The following CACNA1D variants were observed in gnomAD, a reference collection of about 807,000 sequenced individuals.
The protein encoded by CACNA1D is voltage-dependent L-type calcium channel subunit alpha-1D.
Under a neutral mutation model 257.1 loss-of-function variants are expected in CACNA1D, and 55 were observed. The ratio of observed to expected loss-of-function variants is 0.21; its 90% confidence interval spans 0.17 to 0.27. The LOEUF is 0.27. Ranked by LOEUF, CACNA1D falls within the 10% of genes least tolerant of loss-of-function variation. The pLI, the probability that CACNA1D is intolerant of heterozygous loss-of-function variation, is 1.00. For missense variants in CACNA1D, 1,876 were observed against 2,784.0 expected (o/e 0.67, Z 7.34); for synonymous variants, 980 against 1,014.9 (o/e 0.97, Z 0.65).
chr3:53,615,145 T>C (rs2093623380), intron 3 of CACNA1D, among the ~76,000 whole-genome samples: 5 of 152,210 alleles, frequency 3.3e-5, no homozygotes, highest in Admixed American at 3.3e-4. Context: ...TTCCACTATC[T>C]ATTTTATGTG....
At chr3:53,802,496 C>A (rs536557786) in intron 43 of CACNA1D, among the ~76,000 whole-genome samples, 96 of 152,246 alleles carry the variant, frequency 6.3e-4, no homozygotes, top group Non-Finnish European at 1.2e-3. Context: ...GTGTGGCTGG[C>A]AGCTCCGGCT....
chr3:53,684,800 G>T (rs2094461087), intron 8 of CACNA1D, among the ~76,000 whole-genome samples: 1 of 152,056 alleles, frequency 6.6e-6, no homozygotes, highest in African/African-American at 2.4e-5. Flanking sequence ...GTTAAATGGA[G>T]CTTCACTGTG....
intron 3 of CACNA1D, among the ~76,000 whole-genome samples, chr3:53,567,955 G>T (rs185899481): frequency 6.6e-6 from 1 of 152,248 alleles, no homozygotes; most frequent in Non-Finnish European, 1.5e-5. Context: ...AGCATGGTGC[G>T]GGCAGAGCAC....
intron 8 of CACNA1D, among the ~76,000 whole-genome samples, chr3:53,700,849 C>T (rs1415154640): frequency 1.4e-5 from 2 of 147,014 alleles, no homozygotes; most frequent in African/African-American, 5.0e-5. Context: ...TTTTTCTTTT[C>T]TTTTTTTTTT....
chr3:53,775,789 AG>A, intron 34 of CACNA1D, 96 bp from the exon 35 acceptor site: 2 of 1,151,962 alleles, frequency 1.7e-6, no homozygotes, highest in Non-Finnish European at 2.6e-6. Context: ...CAAATGACTT[AG>A]GTTTTGCTCT....
chr3:53,509,692 G>T (rs1049973593), intron 3 of CACNA1D, among the ~76,000 whole-genome samples: 5 of 152,118 alleles, frequency 3.3e-5, no homozygotes, highest in African/African-American at 1.2e-4. Flanking sequence ...CCCAGCCAGG[G>T]AAGGCAGGAA....
At chr3:53,553,168 T>C (rs891135178) in intron 3 of CACNA1D, among the ~76,000 whole-genome samples, 3 of 152,258 alleles carry the variant, frequency 2.0e-5, no homozygotes, top group African/African-American at 7.2e-5. Context: ...TAACCAATTC[T>C]AGTTGACACA....
At chr3:53,582,146 C>A (rs761392178) in intron 3 of CACNA1D, among the ~76,000 whole-genome samples, 2 of 151,954 alleles carry the variant, frequency 1.3e-5, no homozygotes, top group Non-Finnish European at 2.9e-5. Context: ...TTTCGAGCAT[C>A]GTGAAAAGAA....
intron 3 of CACNA1D, among the ~76,000 whole-genome samples, chr3:53,537,168 G>T: frequency 6.6e-6 from 1 of 152,000 alleles, no homozygotes; most frequent in African/African-American, 2.4e-5. Flanking sequence ...ACATTTAATA[G>T]TTAACATTCC....
chr3:53,589,081 T>C (rs1473884594), intron 3 of CACNA1D, among the ~76,000 whole-genome samples: 1 of 152,228 alleles, frequency 6.6e-6, no homozygotes, highest in Non-Finnish European at 1.5e-5. Flanking sequence ...TATACAGAAG[T>C]TAGTGTCTTC....
At chr3:53,578,316 A>T (rs1239297145) in intron 3 of CACNA1D, among the ~76,000 whole-genome samples, 1 of 152,080 alleles carries the variant, frequency 6.6e-6, no homozygotes, top group Admixed American at 6.6e-5. Context: ...TTTTATAGGC[A>T]TAGCTGTTGG....
chr3:53,506,503 G>A (rs2090852598), intron 3 of CACNA1D, among the ~76,000 whole-genome samples: 1 of 152,210 alleles, frequency 6.6e-6, no homozygotes, highest in South Asian at 2.1e-4. Flanking sequence ...TGATTTGGGT[G>A]TATAGCCTTG....
intron 3 of CACNA1D, among the ~76,000 whole-genome samples, chr3:53,505,633 T>C (rs2090812296): frequency 6.6e-6 from 1 of 152,162 alleles, no homozygotes; most frequent in Admixed American, 6.5e-5. Flanking sequence ...GGTCCCTTTG[T>C]GGATTTCTTG....
intron 9 of CACNA1D, among the ~76,000 whole-genome samples, chr3:53,717,700 G>C (rs140699370): frequency 0.011 from 1,623 of 152,126 alleles, 38 homozygotes; most frequent in African/African-American, 0.036. Context: ...CAGCTTACTG[G>C]GTAAGAACTT....
chr3:53,732,666 C>T (rs2095009295), intron 18 of CACNA1D, 149 bp from the exon 19 acceptor site: 10 of 780,722 alleles, frequency 1.3e-5, no homozygotes, highest in Middle Eastern at 3.6e-4. Flanking sequence ...ACACTCAGTC[C>T]ATGTTCTGAA....
At chr3:53,507,425 A>G (rs2090902426) in intron 3 of CACNA1D, among the ~76,000 whole-genome samples, 1 of 151,634 alleles carries the variant, frequency 6.6e-6, no homozygotes, top group Non-Finnish European at 1.5e-5. Context: ...AATGGGCAAC[A>G]TAGTGAGATT....
intron 44 of CACNA1D, among the ~76,000 whole-genome samples, chr3:53,803,876 C>T (rs1030077677): frequency 6.6e-5 from 10 of 152,318 alleles, no homozygotes; most frequent in African/African-American, 1.4e-4. Context: ...TTCCACCACC[C>T]GTCTTTGGAG....
At chr3:53,555,026 T>C (rs540168512) in intron 3 of CACNA1D, among the ~76,000 whole-genome samples, 1 of 152,336 alleles carries the variant, frequency 6.6e-6, no homozygotes, top group South Asian at 2.1e-4. Flanking sequence ...GATTATGACA[T>C]TTTAAAGAGA....
intron 30 of CACNA1D, 85 bp from the exon 31 acceptor site, chr3:53,769,888 A>AT: frequency 1.8e-6 from 2 of 1,087,380 alleles, no homozygotes; most frequent in Non-Finnish European, 2.9e-6. Flanking sequence ...GGAACCACAC[A>AT]TTTTTTTAAA....
Sources: allele counts gnomAD v4.1 joint callset (sites outside exome capture counted in the v4.1 genomes callset), GRCh38; gene constraint gnomAD v4.1.1; transcripts MANE v1.5; gene names NCBI Gene and HGNC (gene_info 2026-07-23, HGNC 2026-07-21).